MAP3K3: variants seen among roughly 807,000 people sequenced by gnomAD.
MAP3K3 encodes the protein mitogen-activated protein kinase kinase kinase 3, also known as MAP/ERK kinase kinase 3.
MAP3K3 carries 12 observed loss-of-function variants against 80.9 expected under a neutral mutation model. That is an observed-to-expected ratio of 0.15 (90% CI 0.10 to 0.24). The LOEUF is 0.24. MAP3K3 is among the 10% of genes least tolerant of loss of function. The pLI, the probability that MAP3K3 is intolerant of heterozygous loss-of-function variation, is 1.00. For missense variants in MAP3K3, 596 were observed against 834.7 expected, an observed-to-expected ratio of 0.71 and a Z score of 3.52; for synonymous variants, 272 against 307.1, an observed-to-expected ratio of 0.89 and a Z score of 1.19.
intron 5 of MAP3K3, among the ~76,000 whole-genome samples, chr17:63,661,280 C>G (rs2034885732): frequency 6.6e-6 from 1 of 152,210 alleles, no homozygotes. Flanking sequence ...CTCCTGACCT[C>G]AAGTGATCCG....
rs1328686600 is a variant in MAP3K3, at chr17:63,693,668, A to G, written c.1772A>G (p.His591Arg). ...CCCACCAATCCTCAGCTGCCCTCCCACATCTCTGAACATGGCCGGGACTTC... is the reference window on the plus strand; with the variant it reads ...CCCACCAATCCTCAGCTGCCCTCCCGCATCTCTGAACATGGCCGGGACTTC... ...TQPTNPQLPS[H>R]ISEHGRDFLR... The change falls in exon 16 of 16, where the codon CAC (histidine) becomes CGC (arginine). Residue 591 changes from histidine (H) to arginine (R), a missense_variant. This residue lies in a region of MAP3K3 where 364 missense variants were observed against 588.9 expected (regional missense o/e 0.62). Coordinates refer to ENST00000361733, the MANE Select transcript of MAP3K3 (RefSeq NM_002401.5). The surrounding 1 kb of genome is among the most constrained non-coding windows in gnomAD (Gnocchi z 4.2). 2 of 1,608,058 alleles carry G rather than the reference A, an allele frequency of 1.2e-6. No individual in the cohort carries two copies. The highest frequency in any genetic ancestry group is 2.7e-5 in the African/African-American group (2 of 74,670).
intron 2 of MAP3K3, among the ~76,000 whole-genome samples, chr17:63,642,603 A>C (rs574610300): frequency 6.6e-6 from 1 of 152,218 alleles, no homozygotes; most frequent in African/African-American, 2.4e-5. Context: ...GGCTGCAGTG[A>C]GCCGAGATCG....
At chr17:63,651,464 ACT>A (rs1232264979) in intron 3 of MAP3K3, among the ~76,000 whole-genome samples, 3 of 152,060 alleles carry the variant, frequency 2.0e-5, no homozygotes, top group African/African-American at 4.8e-5. Context: ...ACAGAACGAG[ACT>A]CTGTTTTGAA....
At chr17:63,630,090 C>T (rs2034185360) in intron 1 of MAP3K3, among the ~76,000 whole-genome samples, 1 of 152,108 alleles carries the variant, frequency 6.6e-6, no homozygotes, top group African/African-American at 2.4e-5. Flanking sequence ...TCCTTGCATT[C>T]CGCTTTTAGG....
rs1257676407 is a variant in MAP3K3 at position 63,694,795 on chromosome 17, A to T, written c.*1018A>T. 1 of 152,570 alleles carries T rather than the reference A, an allele frequency of 6.6e-6. No individual in the cohort carries two copies. Among genetic ancestry groups the T allele is most frequent in the Non-Finnish European group, 1.5e-5 (1 of 68,198 alleles). 9.5% of individuals were successfully genotyped at this position (152,570 alleles called of 1,614,324 possible). On this transcript the variant is annotated 3_prime_UTR_variant, in exon 16 of 16. Transcript: ENST00000361733. ...GGCCAGAGCCCACTCCATCTGGTAGAAGGGAAAGCCCATATGCTACCACCA... is the reference window on the plus strand; with the variant it reads ...GGCCAGAGCCCACTCCATCTGGTAGTAGGGAAAGCCCATATGCTACCACCA...
intron 5 of MAP3K3, among the ~76,000 whole-genome samples, chr17:63,664,246 CAAAAAAAAAAAAAAAA>C (rs60599826): frequency 1.4e-5 from 1 of 72,532 alleles, no homozygotes; most frequent in East Asian, 6.0e-4. Context: ...GACTCCGTCT[CAAAAAAAAAAAAAAAA>C]AAAAAAAAGG....
intron 1 of MAP3K3, 33 bp downstream of exon 1, chr17:63,622,796 C>A (rs1327957866): frequency 4.2e-6 from 2 of 481,394 alleles, no homozygotes; most frequent in East Asian, 5.9e-5. Context: ...CCTGTGCCCG[C>A]GCTGCTTCGC....
At chr17:63,685,389 A>C (rs1429013283) in intron 7 of MAP3K3, 128 bp from the exon 8 acceptor site, 1 of 751,408 alleles carries the variant, frequency 1.3e-6, no homozygotes, top group Non-Finnish European at 2.4e-6. Flanking sequence ...TTCCCATTGC[A>C]TGGGGAGAAA....
At chr17:63,672,625 A>G (rs2035135212) in intron 6 of MAP3K3, among the ~76,000 whole-genome samples, 1 of 152,184 alleles carries the variant, frequency 6.6e-6, no homozygotes. Flanking sequence ...AGCAGAGACT[A>G]TAGAATGAGA....
chr17:63,683,066 G>A (rs1240325369), intron 7 of MAP3K3, among the ~76,000 whole-genome samples: 2 of 152,212 alleles, frequency 1.3e-5, no homozygotes, highest in African/African-American at 2.4e-5. Context: ...TTGCTTTGAT[G>A]TAAAAGAAAA....
chr17:63,665,134 C>T (rs2034974121), intron 5 of MAP3K3, among the ~76,000 whole-genome samples: 1 of 152,014 alleles, frequency 6.6e-6, no homozygotes, highest in Non-Finnish European at 1.5e-5. Flanking sequence ...GAAACCCCAT[C>T]TCTACTAAAA....
At chr17:63,636,352 A>G (rs2034323036) in intron 2 of MAP3K3, among the ~76,000 whole-genome samples, 1 of 152,136 alleles carries the variant, frequency 6.6e-6, no homozygotes, top group African/African-American at 2.4e-5. Context: ...AATACTGTAC[A>G]CTAGGAGCAT....
At chr17:63,690,738 G>C (rs2035568542) in intron 12 of MAP3K3, 1 of 437,202 alleles carries the variant, frequency 2.3e-6, no homozygotes, top group South Asian at 3.0e-5. Context: ...GCCCAGGAAG[G>C]AGCTGTGGGG....
In MAP3K3 at chr17:63,681,863, T is replaced by A. The variant is rs2035344893; in HGVS notation, c.600T>A (p.Ser200Arg). 6.6e-7 allele frequency: 1 copy of A among 1,524,916 alleles called. No homozygotes were observed. The highest frequency in any genetic ancestry group is 8.9e-7 in the Non-Finnish European group (1 of 1,129,334). The allele number at this position is 1,524,916 out of a possible 1,614,324, so 94.5% of individuals were successfully genotyped here. ...AGGGGTCCTACACCAGCATCAACAGTGAGGGGGAGTTCATCCCAGAGACCA... is the reference window on the plus strand; with the variant it reads ...AGGGGTCCTACACCAGCATCAACAGAGAGGGGGAGTTCATCCCAGAGACCA... ...ARQGSYTSIN[S>R]EGEFIPETSE... Residue 200 changes from serine (S) to arginine (R), a missense_variant, in exon 7 of 16, where the codon AGT becomes AGA. Physicochemically the swap from Ser to Arg is moderately radical, Grantham distance 110. Transcript: ENST00000361733.
intron 7 of MAP3K3, 48 bp from the exon 8 acceptor site, chr17:63,685,469 G>A: frequency 6.8e-7 from 1 of 1,471,766 alleles, no homozygotes; most frequent in Non-Finnish European, 9.5e-7. Context: ...GGTCACTGGG[G>A]GGAATTGGGG....
chr17:63,672,283 CAAAA>C lies in MAP3K3; in HGVS notation c.502+5238_502+5241del, dbSNP rs150268322. On this transcript the variant is annotated intron_variant, in intron 6 of 15. Transcript: ENST00000361733. ...GGGCAACAAGAGCAAAACTCCATCT[CAAAA>C]AAAAAAAAAAAAAAGGAAGGAAGAA... 6.4e-5 allele frequency among the ~76,000 whole-genome samples: 3 copies of C among 46,572 alleles called. No individual in the cohort carries two copies. In the South Asian group the frequency reaches 2.1e-3, roughly 33 times the overall value. 30.6% of individuals were successfully genotyped at this position (46,572 alleles called of 152,430 possible). A position where few individuals can be genotyped will look rare whatever the true frequency, so the allele number is the denominator to read the frequency against.
At chr17:63,687,210 G>GAAAAA (rs58633694) in intron 8 of MAP3K3, among the ~76,000 whole-genome samples, 1 of 130,394 alleles carries the variant, frequency 7.7e-6, no homozygotes, top group Non-Finnish European at 1.6e-5. Context: ...TACTAAAAAT[G>GAAAAA]AAAAAAAAAA....
chr17:63,645,909 T>C, intron 2 of MAP3K3, 125 bp from the exon 3 acceptor site: 1 of 709,800 alleles, frequency 1.4e-6, no homozygotes. Context: ...GAAGAGAAGC[T>C]GGACCAGGAG....
At chr17:63,660,800 T>C (rs1363988334) in intron 5 of MAP3K3, among the ~76,000 whole-genome samples, 1 of 152,058 alleles carries the variant, frequency 6.6e-6, no homozygotes, top group African/African-American at 2.4e-5. Flanking sequence ...TTCTCCATGT[T>C]GGTCAGGCTG....
Sources: allele counts gnomAD v4.1 joint callset (sites outside exome capture counted in the v4.1 genomes callset), GRCh38; gene constraint gnomAD v4.1.1; regional missense constraint gnomAD v4.1.1; non-coding constraint Gnocchi (gnomAD v3.1); transcripts MANE v1.5; gene names NCBI Gene and HGNC (gene_info 2026-07-23, HGNC 2026-07-21).